INTS6: variants seen among roughly 807,000 people sequenced by gnomAD.
INTS6 encodes the protein integrator complex subunit 6.
In INTS6, 16 loss-of-function variants were observed where a neutral mutation model predicts 104.9. The ratio of observed to expected loss-of-function variants is 0.15; its 90% CI spans 0.10 to 0.23. The LOEUF is 0.23. Among genes scored for constraint, INTS6 ranks in the 10% least tolerant of loss-of-function variants. The pLI, the probability that INTS6 is intolerant of heterozygous loss-of-function variation, is 1.00. For synonymous variants in INTS6, 324 were observed against 358.7 expected (o/e 0.90, Z 1.09); for missense variants, 584 against 1,062.8 (o/e 0.55, Z 6.26).
rs554789391 is a variant in INTS6, at chr13:51,363,417, T to G, written c.*2335A>C. 6.6e-6 allele frequency: 1 copy of G among 151,940 alleles called. No homozygotes were observed. Among genetic ancestry groups the G allele is most frequent in the East Asian group, 1.9e-4 (1 of 5,174 alleles). 9.4% of individuals were successfully genotyped at this position (151,940 alleles called of 1,614,324 possible). On this transcript the variant is annotated 3_prime_UTR_variant, in exon 18 of 18. Coordinates refer to ENST00000311234, the MANE Select transcript of INTS6 (RefSeq NM_012141.3). The stretch of plus-strand genomic sequence containing the variant: ...TGATGGTTATGGAAGAGTTTAGAAA[T>G]GAGTCTCAGCCTTCATTATTTCCAA...
At chr13:51,429,650 G>GT (rs1028605793) in intron 4 of INTS6, among the ~76,000 whole-genome samples, 1 of 150,420 alleles carries the variant, frequency 6.6e-6, no homozygotes, top group Non-Finnish European at 1.5e-5. Context: ...TGTAATCCCA[G>GT]TTACTCGGGA....
intron 6 of INTS6, 28 bp downstream of exon 6, chr13:51,389,291 A>T (rs987522938): frequency 6.2e-7 from 1 of 1,601,654 alleles, no homozygotes; most frequent in Non-Finnish European, 8.5e-7. Flanking sequence ...GCAAGTTTTG[A>T]ATGTCTAAAA....
chr13:51,411,168 G>A (rs538292476), intron 4 of INTS6, among the ~76,000 whole-genome samples: 22 of 151,724 alleles, frequency 1.5e-4, no homozygotes, highest in African/African-American at 3.1e-4. Context: ...AGCCGAGATC[G>A]CGCCACTGCA....
intron 4 of INTS6, among the ~76,000 whole-genome samples, chr13:51,414,833 TACACACACAC>T (rs151197136): frequency 3.1e-4 from 45 of 143,046 alleles, no homozygotes; most frequent in South Asian, 1.4e-3. Flanking sequence ...AGTTCTTCTA[TACACACACAC>T]ACACACACAC....
At chr13:51,434,032 C>T (rs1025836570) in intron 3 of INTS6, among the ~76,000 whole-genome samples, 11 of 152,110 alleles carry the variant, frequency 7.2e-5, no homozygotes, top group African/African-American at 2.7e-4. Context: ...CTTTCTGTAC[C>T]ACCTGGAGGT....
At chr13:51,418,475 G>C (rs1040228666) in intron 4 of INTS6, among the ~76,000 whole-genome samples, 1 of 151,690 alleles carries the variant, frequency 6.6e-6, no homozygotes, top group African/African-American at 2.4e-5. Context: ...ATTTATTAAG[G>C]AAAGGAAAAT....
rs376990814 is a variant in INTS6 at position 51,451,988 on chromosome 13, T to C, written c.179A>G (p.Tyr60Cys). 17 of 1,606,934 alleles carry C rather than the reference T, an allele frequency of 1.1e-5. No homozygotes were observed. The highest frequency in any genetic ancestry group is 6.7e-5 in the African/African-American group (5 of 74,372). Residue 60 changes from tyrosine to cysteine, a missense_variant, in exon 2 of 18, where the codon TAT becomes TGT. Coordinates refer to ENST00000311234, the MANE Select transcript of INTS6 (RefSeq NM_012141.3). ...GGCGAGGGCTGTTACCTTGATAGCATAGGGCGGCTCTTCGAAAGTGACCAG... is the reference window on the plus strand; with the variant it reads ...GGCGAGGGCTGTTACCTTGATAGCACAGGGCGGCTCTTCGAAAGTGACCAG... ...YMLVTFEEPP[Y>C]AIKAGWKENH...
At chr13:51,394,973 T>C (rs1022711069) in intron 5 of INTS6, among the ~76,000 whole-genome samples, 2 of 152,130 alleles carry the variant, frequency 1.3e-5, no homozygotes, top group African/African-American at 4.8e-5. Context: ...CAAGACTGTT[T>C]TTGCAAAAAA....
chr13:51,364,331 T>C lies in INTS6; in HGVS notation c.*1421A>G. The C allele has an allele frequency of 1.8e-6, 2 of 1,101,082 alleles. No individual in the cohort carries two copies. The highest frequency in any genetic ancestry group is 2.6e-6 in the Non-Finnish European group (2 of 774,374). 68.2% of individuals were successfully genotyped at this position (1,101,082 alleles called of 1,614,324 possible). On this transcript the variant is annotated 3_prime_UTR_variant, in exon 18 of 18. Coordinates refer to ENST00000311234, the MANE Select transcript of INTS6 (RefSeq NM_012141.3). ...ATGCTTTTCTTCATAAAGTTATAAT[T>C]TCATTTTGCTATACCCTTGAAATTT... is the stretch of plus-strand genomic sequence containing the variant.
At chr13:51,447,979 A>T (rs917909492) in intron 3 of INTS6, 3 of 152,120 alleles carry the variant, frequency 2.0e-5, no homozygotes, top group African/African-American at 7.2e-5. Flanking sequence ...AATGGCTTGA[A>T]CCCAGGAGGA....
chr13:51,451,477 G>C (rs942869740), intron 2 of INTS6: 1 of 175,604 alleles, frequency 5.7e-6, no homozygotes, highest in African/African-American at 2.4e-5. Flanking sequence ...GCAGATGGGA[G>C]CCGGACTTAG....
chr13:51,393,170 T>C (rs540120143), intron 5 of INTS6, among the ~76,000 whole-genome samples: 6 of 151,304 alleles, frequency 4.0e-5, no homozygotes, highest in Non-Finnish European at 8.8e-5. Flanking sequence ...TTCCACCTCC[T>C]GCGCTCAAGC....
chr13:51,409,683 AAATGTT>A (rs1260868993), intron 4 of INTS6, among the ~76,000 whole-genome samples: 1 of 152,146 alleles, frequency 6.6e-6, no homozygotes, highest in Non-Finnish European at 1.5e-5. Flanking sequence ...CCTTAAAATT[AAATGTT>A]AATGTTAACA....
In INTS6 at chr13:51,452,663, T is replaced by C. The variant is rs1953089951; in HGVS notation, c.-138A>G. On this transcript the variant is annotated 5_prime_UTR_variant, in exon 1 of 18. Transcript: ENST00000311234. This position sits in a 1 kb window ranked among gnomAD's most constrained non-coding sequence, Gnocchi z 4.2. ...GGGAGGAAAACACTGTCTGGGTCTT[T>C]CCTCCGGCTGCGGGGAGTTTCTCCC... The C allele has an allele frequency of 7.0e-7, 1 of 1,436,426 alleles. No individual in the cohort carries two copies. Among genetic ancestry groups the C allele is most frequent in the Admixed American group, 2.9e-5 (1 of 34,598 alleles). 89.0% of individuals were successfully genotyped at this position (1,436,426 alleles called of 1,614,324 possible). A position where few individuals can be genotyped will look rare whatever the true frequency, so the allele number is the denominator to read the frequency against.
chr13:51,374,959 TA>T (rs1955888584), intron 13 of INTS6, among the ~76,000 whole-genome samples, 163 bp from the exon 14 acceptor site: 1 of 152,188 alleles, frequency 6.6e-6, no homozygotes, highest in Admixed American at 6.6e-5. Flanking sequence ...CAAAATATTT[TA>T]AAATAAAATT....
At chr13:51,344,583 CT>C in the INTS6 span, 1 of 905,606 alleles carries the variant, frequency 1.1e-6, no homozygotes, top group Non-Finnish European at 1.8e-6. Flanking sequence ...CTCAGGCCAC[CT>C]TCAATTACAG....
chr13:51,451,260 C>G, intron 2 of INTS6, 86 bp from the exon 3 acceptor site: 2 of 1,154,130 alleles, frequency 1.7e-6, no homozygotes. Flanking sequence ...CACCAAGTAG[C>G]AGCTTCACTT....
chr13:51,387,610 T>G, intron 6 of INTS6, 70 bp from the exon 7 acceptor site: 1 of 1,132,080 alleles, frequency 8.8e-7, no homozygotes, highest in Non-Finnish European at 1.2e-6. Flanking sequence ...AGTTAAATTA[T>G]ATCAATTATT....
chr13:51,423,381 A>T (rs1305756053), intron 4 of INTS6, among the ~76,000 whole-genome samples: 1 of 151,906 alleles, frequency 6.6e-6, no homozygotes, highest in Non-Finnish European at 1.5e-5. Flanking sequence ...TGGACATCCA[A>T]ATCAGGAATT....
Sources: gnomAD v4.1 joint callset for allele counts (sites outside exome capture counted in the v4.1 genomes callset) on GRCh38, gnomAD v4.1.1 for gene constraint, Gnocchi (gnomAD v3.1) non-coding constraint, MANE v1.5 for transcripts, NCBI Gene and HGNC (gene_info 2026-07-23, HGNC 2026-07-21) for gene names.